CACNA1C: variants seen among roughly 807,000 people sequenced by gnomAD.
CACNA1C encodes the protein calcium voltage-gated channel subunit alpha1 C, also known as voltage-dependent L-type calcium channel subunit alpha-1C.
Under a neutral mutation model 229.0 loss-of-function variants are expected in CACNA1C, and 30 were observed. That is an observed-to-expected ratio of 0.13 (90% CI 0.10 to 0.18). The LOEUF (loss-of-function observed/expected upper bound fraction) is 0.18, where lower values mean the gene tolerates loss of function less well. Among genes scored for constraint, CACNA1C ranks in the 10% least tolerant of loss-of-function variants. The probability of loss-of-function intolerance (pLI) is 1.00; values close to 1 mark genes in which losing one functional copy is unlikely to be tolerated. For missense variants in CACNA1C, 1,658 were observed against 2,845.0 expected, an observed-to-expected ratio of 0.58 and a Z score of 9.49; for synonymous variants, 1,114 against 1,132.5, an observed-to-expected ratio of 0.98 and a Z score of 0.33.
At chr12:2,416,371 AAGG>A (rs2098900966) in intron 3 of CACNA1C, among the ~76,000 whole-genome samples, 1 of 151,968 alleles carries the variant, frequency 6.6e-6, no homozygotes, top group South Asian at 2.1e-4. Context: ...GAAGAAAAGG[AAGG>A]AGGGAAGGAA....
At chr12:2,320,871 A>G (rs2095953155) in intron 3 of CACNA1C, among the ~76,000 whole-genome samples, 1 of 152,090 alleles carries the variant, frequency 6.6e-6, no homozygotes, top group Admixed American at 6.5e-5. Context: ...GGAAACCCTC[A>G]TTCCCTGCAC....
At chr12:2,363,618 CT>C (rs1351703767) in intron 3 of CACNA1C, among the ~76,000 whole-genome samples, 1 of 151,906 alleles carries the variant, frequency 6.6e-6, no homozygotes, top group East Asian at 1.9e-4. Flanking sequence ...ACCCTTCCTG[CT>C]TCCTGTTTTC....
At chr12:2,192,348 A>T (rs763766290) in intron 3 of CACNA1C, among the ~76,000 whole-genome samples, 15 of 152,094 alleles carry the variant, frequency 9.9e-5, no homozygotes, top group Non-Finnish European at 1.9e-4. Flanking sequence ...TGTTTTTGTT[A>T]TACAGAGCAG....
intron 4 of CACNA1C, among the ~76,000 whole-genome samples, chr12:2,449,858 T>C (rs2099344555): frequency 6.6e-6 from 1 of 152,214 alleles, no homozygotes; most frequent in African/African-American, 2.4e-5. Context: ...GCATGCAGTC[T>C]GCAGGTGTGG....
At position 2,394,301 on chromosome 12, in the gene CACNA1C, T is replaced by A. The variant is rs141384692; in HGVS notation, c.478-54675T>A. Among the ~76,000 whole-genome samples the A allele has an allele frequency of 1.3e-3, 191 of 152,304 alleles. 2 individuals carry two copies. Among genetic ancestry groups the A allele is most frequent in the South Asian group, 2.1e-3 (10 of 4,832 alleles). ...CTGGTCCCTGGCCCACAGGAGAAAC[T>A]TGGACACAGCCATGATAAACGCAGG... On this transcript the variant is annotated intron_variant, in intron 3 of 46. Coordinates refer to ENST00000399655, the MANE Select transcript of CACNA1C (RefSeq NM_000719.7).
intron 3 of CACNA1C, among the ~76,000 whole-genome samples, chr12:2,262,901 C>T (rs537601949): frequency 2.6e-5 from 4 of 152,184 alleles, no homozygotes; most frequent in African/African-American, 9.6e-5. Flanking sequence ...TCACTAGTTA[C>T]CTCAGTGAAT....
intron 9 of CACNA1C, chr12:2,547,379 G>A (rs549074027): frequency 4.6e-5 from 35 of 754,200 alleles, no homozygotes; most frequent in Non-Finnish European, 6.2e-5. Flanking sequence ...TCTCTTGCCC[G>A]TGGCTGACTG....
At position 2,488,149 on chromosome 12, in the gene CACNA1C, C is replaced by T. The variant is rs140863226; in HGVS notation, c.916+1887C>T. Reference sequence around the variant, plus strand: ...GCTGTGCAATCAGAGGTCTGTGCACCACAGAGTAAGGAGAGGGGCTCCAAA... The same window carrying T: ...GCTGTGCAATCAGAGGTCTGTGCACTACAGAGTAAGGAGAGGGGCTCCAAA... On this transcript the variant is annotated intron_variant, in intron 6 of 46. Coordinates refer to ENST00000399655, the MANE Select transcript of CACNA1C (RefSeq NM_000719.7). This position sits in a 1 kb window ranked among gnomAD's most constrained non-coding sequence, Gnocchi z 4.0. Among the ~76,000 whole-genome samples, 233 of 152,224 alleles carry T rather than the reference C, an allele frequency of 1.5e-3. 3 individuals are homozygous for T. The Middle Eastern group carries it at 0.024, about 16-fold the overall frequency.
intron 3 of CACNA1C, among the ~76,000 whole-genome samples, chr12:2,343,814 T>C (rs2096930225): frequency 1.3e-5 from 2 of 152,314 alleles, no homozygotes; most frequent in East Asian, 1.9e-4. Context: ...GAGCAACTCA[T>C]ATGAAAAAGA....
intron 29 of CACNA1C, among the ~76,000 whole-genome samples, chr12:2,626,678 T>C (rs2086797312): frequency 6.6e-6 from 1 of 152,100 alleles, no homozygotes; most frequent in Non-Finnish European, 1.5e-5. Flanking sequence ...ATGAGTAGTG[T>C]GAAGCAGCTA....
In CACNA1C at chr12:2,053,189, G is replaced by T; in HGVS notation, c.-374G>T. 1 of 999,770 alleles carries T rather than the reference G, an allele frequency of 1.0e-6. No homozygotes were observed. The highest frequency in any genetic ancestry group is 1.7e-5 in the African/African-American group (1 of 57,504). The allele number at this position is 999,770 out of a possible 1,614,324, so 61.9% of individuals were successfully genotyped here. A position where few individuals can be genotyped will look rare whatever the true frequency, so the allele number is the denominator to read the frequency against. On this transcript the variant is annotated 5_prime_UTR_variant, in exon 1 of 47. In the 5' UTR this introduces an upstream ATG that the reference lacks. Transcript: ENST00000399655. The surrounding 1 kb of genome is among the most constrained non-coding windows in gnomAD (Gnocchi z 5.8). ...AGGCGCCTCGGCCCCTGCCGGCCCAGGCGGGCCCCGCGCGCCCCCCGCCCC... is the reference window on the plus strand; with the variant it reads ...AGGCGCCTCGGCCCCTGCCGGCCCATGCGGGCCCCGCGCGCCCCCCGCCCC...
intron 5 of CACNA1C, among the ~76,000 whole-genome samples, chr12:2,460,936 T>C (rs2099496863): frequency 1.3e-5 from 2 of 152,188 alleles, no homozygotes; most frequent in South Asian, 4.1e-4. Context: ...GGTGGATCAG[T>C]GCACTGTACC....
At chr12:2,383,279 C>A (rs2098296889) in intron 3 of CACNA1C, among the ~76,000 whole-genome samples, 1 of 152,142 alleles carries the variant, frequency 6.6e-6, no homozygotes, top group Non-Finnish European at 1.5e-5. Context: ...GCAGTGGAGA[C>A]TAAAGCGGGT....
intron 3 of CACNA1C, among the ~76,000 whole-genome samples, chr12:2,223,821 T>C (rs1009211214): frequency 4.6e-5 from 7 of 152,244 alleles, no homozygotes; most frequent in Admixed American, 2.6e-4. Context: ...AAGAAACTTA[T>C]ATGTATTATT....
At chr12:2,349,410 C>T (rs953075700) in intron 3 of CACNA1C, among the ~76,000 whole-genome samples, 93 of 152,012 alleles carry the variant, frequency 6.1e-4, no homozygotes, top group African/African-American at 2.2e-3. Flanking sequence ...TTGGAATCAT[C>T]GTTTTTTTTA....
intron 1 of CACNA1C, among the ~76,000 whole-genome samples, chr12:2,044,003 G>A: frequency 6.6e-6 from 1 of 152,180 alleles, no homozygotes; most frequent in East Asian, 1.9e-4. Context: ...GTTGATATGG[G>A]TGGCATTGGT....
intron 3 of CACNA1C, among the ~76,000 whole-genome samples, chr12:2,412,623 G>T (rs1264462911): frequency 6.6e-6 from 1 of 152,276 alleles, no homozygotes; most frequent in East Asian, 1.9e-4. Context: ...AGTCACCTCC[G>T]CTTCATAGTA....
chr12:2,537,239 T>C (rs1184475406), intron 9 of CACNA1C, among the ~76,000 whole-genome samples: 3 of 152,222 alleles, frequency 2.0e-5, no homozygotes, highest in African/African-American at 7.2e-5. Context: ...TCAATAGACA[T>C]TCTAGCTAAG....
At chr12:2,189,720 A>G (rs772157984) in intron 3 of CACNA1C, among the ~76,000 whole-genome samples, 1 of 152,246 alleles carries the variant, frequency 6.6e-6, no homozygotes, top group Admixed American at 6.5e-5. Flanking sequence ...AAGAGAAGCT[A>G]AAGTAAAACA....
Sources: allele counts gnomAD v4.1 joint callset (sites outside exome capture counted in the v4.1 genomes callset), GRCh38; gene constraint gnomAD v4.1.1; non-coding constraint Gnocchi (gnomAD v3.1); transcripts MANE v1.5; gene names NCBI Gene and HGNC (gene_info 2026-07-23, HGNC 2026-07-21).